Variants in PPP1R12B observed in about 807,000 individuals in gnomAD.
PPP1R12B encodes the protein myosin phosphatase target subunit 2.
Under a neutral mutation model 126.1 loss-of-function variants are expected in PPP1R12B, and 76 were observed. The observed-to-expected ratio is 0.60, with a 90% CI of 0.50 to 0.73. The LOEUF (loss-of-function observed/expected upper bound fraction) is 0.73. Ranked by LOEUF, PPP1R12B falls within the 30% of genes least tolerant of loss-of-function variation. The pLI, the probability that PPP1R12B is intolerant of heterozygous loss-of-function variation, is 0.00. For synonymous variants in PPP1R12B, 356 were observed against 434.7 expected (o/e 0.82, Z 2.25); for missense variants, 1,052 against 1,205.1 (o/e 0.87, Z 1.88).
intron 13 of PPP1R12B, among the ~76,000 whole-genome samples, chr1:202,486,026 C>A (rs1678071479): frequency 6.6e-6 from 1 of 152,100 alleles, no homozygotes; most frequent in Non-Finnish European, 1.5e-5. Flanking sequence ...GGACTACAGG[C>A]ATGTGCCACT....
At chr1:202,489,777 ACT>A (rs1382574229) in intron 14 of PPP1R12B, among the ~76,000 whole-genome samples, 3 of 152,262 alleles carry the variant, frequency 2.0e-5, no homozygotes, top group Admixed American at 6.5e-5. Context: ...TAATTTTATA[ACT>A]CTGTGAATAA....
At chr1:202,540,088 G>A in intron 18 of PPP1R12B, 1 of 1,541,154 alleles carries the variant, frequency 6.5e-7, no homozygotes, top group Non-Finnish European at 8.8e-7. Flanking sequence ...AAATTTCCCA[G>A]CTTTGTGTGA....
chr1:202,411,365 A>T (rs922697140), intron 1 of PPP1R12B, among the ~76,000 whole-genome samples: 2 of 151,756 alleles, frequency 1.3e-5, no homozygotes, highest in Non-Finnish European at 2.9e-5. Context: ...TACAAGAATG[A>T]TTCTCTTCCA....
chr1:202,524,583 T>TTA (rs1040286157), intron 18 of PPP1R12B, among the ~76,000 whole-genome samples: 22 of 152,312 alleles, frequency 1.4e-4, no homozygotes, highest in African/African-American at 5.3e-4. Context: ...TCCTCATAGC[T>TTA]TAGCTCCCTC....
At chr1:202,479,749 G>A (rs1248497243) in intron 13 of PPP1R12B, among the ~76,000 whole-genome samples, 1 of 152,230 alleles carries the variant, frequency 6.6e-6, no homozygotes, top group African/African-American at 2.4e-5. Flanking sequence ...CAGACCAGCA[G>A]TGTCATCTGA....
intron 18 of PPP1R12B, among the ~76,000 whole-genome samples, chr1:202,532,927 T>C (rs1439451327): frequency 7.2e-6 from 1 of 139,814 alleles, no homozygotes; most frequent in Non-Finnish European, 1.5e-5. Flanking sequence ...TGGAGTGCAA[T>C]GTTGCGATCT....
chr1:202,530,475 G>A (rs1683816800), intron 18 of PPP1R12B, among the ~76,000 whole-genome samples: 1 of 152,180 alleles, frequency 6.6e-6, no homozygotes, highest in Admixed American at 6.5e-5. Flanking sequence ...GTAAGCCATT[G>A]CTAAAGTTAA....
At position 202,348,824 on chromosome 1, in the gene PPP1R12B, T is replaced by G. The variant is rs761859537; in HGVS notation, c.-28T>G. The G allele has an allele frequency of 6.3e-7, 1 of 1,592,108 alleles. No homozygotes were observed. The highest frequency in any genetic ancestry group is 1.1e-5 in the South Asian group (1 of 87,738). On this transcript the variant is annotated 5_prime_UTR_variant, in exon 1 of 24. Coordinates refer to ENST00000608999, the MANE Select transcript of PPP1R12B (RefSeq NM_002481.4). ...CCAACAGTAATTTAGTGTTGGTAGT[T>G]TTGGCAGCAGCTGCCGAGGCCGGAG... is the stretch of plus-strand genomic sequence containing the variant.
intron 18 of PPP1R12B, among the ~76,000 whole-genome samples, chr1:202,552,754 G>T (rs1163749955): frequency 1.3e-5 from 2 of 152,162 alleles, no homozygotes; most frequent in Non-Finnish European, 2.9e-5. Context: ...GTGGGGTCAA[G>T]CCATGACTTC....
intron 13 of PPP1R12B, among the ~76,000 whole-genome samples, chr1:202,483,278 C>CTTTTTTT (rs71281161): frequency 8.4e-6 from 1 of 118,496 alleles, no homozygotes; most frequent in Non-Finnish European, 1.7e-5. Flanking sequence ...TGAAGAACAC[C>CTTTTTTT]TTTTTTTTTT....
intron 18 of PPP1R12B, among the ~76,000 whole-genome samples, chr1:202,505,161 A>G (rs1385142978): frequency 6.6e-6 from 1 of 152,232 alleles, no homozygotes; most frequent in Non-Finnish European, 1.5e-5. Context: ...AGTAGGGGGA[A>G]AGAAATGAGT....
At chr1:202,353,072 G>A in intron 1 of PPP1R12B, among the ~76,000 whole-genome samples, 1 of 152,312 alleles carries the variant, frequency 6.6e-6, no homozygotes, top group Admixed American at 6.5e-5. Context: ...CAGGAAGAGA[G>A]ATGGAGATAG....
At position 202,438,760 on chromosome 1, in the gene PPP1R12B, T is replaced by C; in HGVS notation, c.1458+736T>C. The stretch of plus-strand genomic sequence containing the variant: ...TCGTGAGAGAACAGCATGTGGGAGC[T>C]GGTGTTCACCTTGAACAACTGTGAC... On this transcript the variant is annotated intron_variant, in intron 10 of 23. Transcript: ENST00000608999. The C allele has an allele frequency of 6.9e-6, 5 of 719,808 alleles. No individual in the cohort carries two copies. In the South Asian group the frequency reaches 7.6e-5, roughly 11 times the overall value. The allele number at this position is 719,808 out of a possible 1,614,324, so 44.6% of individuals were successfully genotyped here.
chr1:202,380,717 TA>T (rs1662111013), intron 1 of PPP1R12B, among the ~76,000 whole-genome samples: 1 of 152,220 alleles, frequency 6.6e-6, no homozygotes, highest in Non-Finnish European at 1.5e-5. Flanking sequence ...GGTAAATTAT[TA>T]CTCTGAACTT....
chr1:202,440,691 G>T lies in PPP1R12B; in HGVS notation c.1459-15G>T, dbSNP rs1362945907. ...ATTGTACCTTTCTTGTGCTTTACTT[G>T]TTTTTATTTTACAGGAGAGAGAAAA... is the stretch of plus-strand genomic sequence containing the variant. On this transcript the variant is annotated splice_polypyrimidine_tract_variant and intron_variant, in intron 10 of 23. Transcript: ENST00000608999. 1 of 1,600,570 alleles carries T rather than the reference G, an allele frequency of 6.2e-7. No homozygotes were observed. Among genetic ancestry groups the T allele is most frequent in the Admixed American group, 1.7e-5 (1 of 59,694 alleles).
intron 1 of PPP1R12B, among the ~76,000 whole-genome samples, chr1:202,349,776 C>T (rs1203490885): frequency 6.6e-6 from 1 of 152,124 alleles, no homozygotes; most frequent in African/African-American, 2.4e-5. Flanking sequence ...AACTAAGTTA[C>T]TGAATTACCT....
intron 1 of PPP1R12B, among the ~76,000 whole-genome samples, chr1:202,396,501 C>T (rs1044672556): frequency 2.0e-5 from 3 of 151,930 alleles, no homozygotes; most frequent in South Asian, 4.2e-4. Context: ...TATAGTAAGC[C>T]CTTAATAAAT....
chr1:202,434,500 A>G (rs912931594), intron 8 of PPP1R12B, among the ~76,000 whole-genome samples, 156 bp from the exon 9 acceptor site: 2 of 152,222 alleles, frequency 1.3e-5, no homozygotes, highest in African/African-American at 4.8e-5. Flanking sequence ...AACAGTTGCA[A>G]GAGTTTACAA....
intron 18 of PPP1R12B, among the ~76,000 whole-genome samples, chr1:202,540,859 A>G (rs555847857): frequency 7.9e-5 from 12 of 152,358 alleles, no homozygotes; most frequent in African/African-American, 2.6e-4. Flanking sequence ...CTTAAAAGCC[A>G]AAGAACTAAC....
Sources: allele counts gnomAD v4.1 joint callset (sites outside exome capture counted in the v4.1 genomes callset), GRCh38; gene constraint gnomAD v4.1.1; transcripts MANE v1.5; gene names NCBI Gene and HGNC (gene_info 2026-07-23, HGNC 2026-07-21).